The following TRPM3 variants were observed in gnomAD, a reference collection of about 807,000 sequenced individuals.
TRPM3 encodes the protein long transient receptor potential channel 3.
A neutral mutation model predicts 181.2 loss-of-function variants in TRPM3; 77 were observed. The observed-to-expected ratio is 0.42, with a 90% CI of 0.35 to 0.51. The LOEUF (loss-of-function observed/expected upper bound fraction) is 0.51. TRPM3 is among the 20% of genes least tolerant of loss of function. TRPM3 has a pLI of 0.01. For missense variants in TRPM3, 1,759 were observed against 2,196.7 expected (o/e 0.80, Z 3.98); for synonymous variants, 745 against 796.4 (o/e 0.94, Z 1.09).
intron 1 of TRPM3, among the ~76,000 whole-genome samples, chr9:71,024,809 T>G (rs2097880012): frequency 6.6e-6 from 1 of 152,334 alleles, no homozygotes; most frequent in South Asian, 2.1e-4. Flanking sequence ...TACTTTTTCC[T>G]TGTTATTTAT....
At chr9:71,194,288 C>T (rs1420215747) in intron 1 of TRPM3, among the ~76,000 whole-genome samples, 2 of 151,888 alleles carry the variant, frequency 1.3e-5, no homozygotes, top group Admixed American at 1.3e-4. Flanking sequence ...AGGTATATGG[C>T]AACCAGGAGG....
chr9:71,356,942 C>T (rs1045568102), intron 1 of TRPM3, among the ~76,000 whole-genome samples: 1 of 152,028 alleles, frequency 6.6e-6, no homozygotes, highest in Non-Finnish European at 1.5e-5. Flanking sequence ...AGTGAGTAAT[C>T]GAGCCCATTT....
chr9:70,634,986 C>T (rs2056901891), intron 12 of TRPM3, among the ~76,000 whole-genome samples: 2 of 152,068 alleles, frequency 1.3e-5, no homozygotes, highest in Admixed American at 6.6e-5. Context: ...CCACCAAAAG[C>T]ATCTAAAAGC....
At chr9:70,620,501 G>T in intron 15 of TRPM3, 136 bp from the exon 16 acceptor site, 1 of 952,724 alleles carries the variant, frequency 1.0e-6, no homozygotes, top group Non-Finnish European at 1.6e-6. Context: ...TGTCCTAAAA[G>T]AACTCACAAG....
intron 1 of TRPM3, among the ~76,000 whole-genome samples, chr9:71,407,329 G>A (rs1465663884): frequency 6.6e-6 from 1 of 152,150 alleles, no homozygotes; most frequent in Middle Eastern, 3.2e-3. Flanking sequence ...CTAGCCAAGG[G>A]AAGCCATGAC....
intron 1 of TRPM3, among the ~76,000 whole-genome samples, chr9:71,358,775 G>A (rs544067814): frequency 2.2e-4 from 33 of 152,156 alleles, no homozygotes; most frequent in Admixed American, 3.9e-4. Context: ...CCAAGCACTT[G>A]ATCACGGTGA....
At chr9:71,119,276 G>A (rs1261331905) in intron 1 of TRPM3, among the ~76,000 whole-genome samples, 1 of 152,090 alleles carries the variant, frequency 6.6e-6, no homozygotes, top group Non-Finnish European at 1.5e-5. Context: ...TTGAAAAAAT[G>A]GGAAGGACAC....
chr9:70,974,455 T>C (rs1345258606), intron 1 of TRPM3, among the ~76,000 whole-genome samples: 13 of 151,868 alleles, frequency 8.6e-5, no homozygotes, highest in Non-Finnish European at 1.5e-4. Context: ...AGGAGAATGG[T>C]GTGAACCCGG....
chr9:70,941,635 G>A (rs1798211946), intron 1 of TRPM3, among the ~76,000 whole-genome samples: 1 of 152,138 alleles, frequency 6.6e-6, no homozygotes, highest in Admixed American at 6.5e-5. Flanking sequence ...CTCTGGGATG[G>A]GGTACTCCCA....
rs1010266084 is a variant in TRPM3, at chr9:71,031,800, A to C, written c.177+89378T>G. Among the ~76,000 whole-genome samples the C allele has an allele frequency of 2.7e-5, 4 of 149,626 alleles. No individual in the cohort carries two copies. The East Asian group carries it at 7.8e-4, about 29-fold the overall frequency. ...ATATTTTCACAGAATATATTTCATG[A>C]ATCATAATTTGAAAGCCATTAAAAT... On this transcript the variant is annotated intron_variant, in intron 1 of 25. Transcript: ENST00000677713.
At chr9:70,810,957 T>C (rs76232293) in intron 6 of TRPM3, among the ~76,000 whole-genome samples, 10,371 of 152,228 alleles carry the variant, frequency 0.068, 494 homozygotes, top group South Asian at 0.1. Flanking sequence ...AGTATCCCAA[T>C]AGTGCCGTCA....
chr9:71,205,185 C>A (rs1391410217), intron 1 of TRPM3, among the ~76,000 whole-genome samples: 12 of 151,748 alleles, frequency 7.9e-5, no homozygotes, highest in Non-Finnish European at 1.2e-4. Flanking sequence ...GCATGTTGTG[C>A]ACATGTACCC....
chr9:71,175,706 A>G (rs2077074095), intron 1 of TRPM3, among the ~76,000 whole-genome samples: 2 of 152,192 alleles, frequency 1.3e-5, no homozygotes, highest in African/African-American at 4.8e-5. Flanking sequence ...GGTTTTCAAC[A>G]TGGAGATCAA....
chr9:71,076,212 G>A (rs571317133), intron 1 of TRPM3, among the ~76,000 whole-genome samples: 2 of 152,244 alleles, frequency 1.3e-5, no homozygotes, highest in East Asian at 1.9e-4. Context: ...TTGTTAAACT[G>A]CGGTCAGCTC....
intron 1 of TRPM3, among the ~76,000 whole-genome samples, chr9:71,048,673 T>C (rs1377717442): frequency 6.6e-6 from 1 of 152,190 alleles, no homozygotes; most frequent in Admixed American, 6.5e-5. Flanking sequence ...TCTACTCTGT[T>C]TGATGTGCTG....
chr9:71,414,993 A>G (rs1223346658), intron 1 of TRPM3, among the ~76,000 whole-genome samples: 1 of 152,056 alleles, frequency 6.6e-6, no homozygotes, highest in Non-Finnish European at 1.5e-5. Context: ...ATATTTTTGC[A>G]GATATGATTG....
intron 18 of TRPM3, among the ~76,000 whole-genome samples, chr9:70,615,470 T>C (rs2062648483): frequency 6.6e-6 from 1 of 152,214 alleles, no homozygotes; most frequent in South Asian, 2.1e-4. Flanking sequence ...AGTGCTGTAA[T>C]TGTGAGCCTG....
intron 1 of TRPM3, among the ~76,000 whole-genome samples, chr9:71,312,467 C>T (rs1356997595): frequency 1.3e-5 from 2 of 152,150 alleles, no homozygotes; most frequent in Non-Finnish European, 2.9e-5. Flanking sequence ...AAAATTGGCA[C>T]AGCCACTTTA....
chr9:70,603,412 C>A lies in TRPM3; in HGVS notation c.2726G>T (p.Arg909Leu). ...FNYIVLVKME[R>L]WPSTQEWIVI... ...GATCCATTCCTGGGTGGACGGCCAG[C>A]GTTCCATCTTCACTAACACGATATA... Residue 909 changes from arginine to leucine, a missense_variant, in exon 20 of 26, where the codon CGC (arginine) becomes CTC (leucine). This residue lies in a region of TRPM3 where 100 missense variants were observed against 123.0 expected (regional missense o/e 0.81). Coordinates refer to ENST00000677713, the MANE Select transcript of TRPM3 (RefSeq NM_001366145.2). The A allele has an allele frequency of 6.2e-7, 1 of 1,614,100 alleles. No homozygotes were observed.
Sources: allele counts gnomAD v4.1 joint callset (sites outside exome capture counted in the v4.1 genomes callset), GRCh38; gene constraint gnomAD v4.1.1; regional missense constraint gnomAD v4.1.1; transcripts MANE v1.5; gene names NCBI Gene and HGNC (gene_info 2026-07-23, HGNC 2026-07-21).